Variants in TTC23L observed in about 807,000 individuals in gnomAD.
The protein encoded by TTC23L is tetratricopeptide repeat domain 23 like, also known as tetratricopeptide repeat protein 23-like.
Under a neutral mutation model 48.1 loss-of-function variants are expected in TTC23L, and 42 were observed. The observed-to-expected ratio is 0.87, with a 90% CI of 0.68 to 1.13. The LOEUF is 1.13. Among genes scored for constraint, TTC23L ranks in the 50% most tolerant of loss-of-function variants. TTC23L has a pLI of 0.00. For synonymous variants in TTC23L, 159 were observed against 157.2 expected, an observed-to-expected ratio of 1.01 and a Z score of -0.09; for missense variants, 391 against 421.0, an observed-to-expected ratio of 0.93 and a Z score of 0.62.
At chr5:34,915,999 C>G in the TTC23L span, 6 of 1,337,786 alleles carry the variant, frequency 4.5e-6, no homozygotes, top group African/African-American at 8.9e-5. Context: ...CAGAGTAGCC[C>G]GGGTGTTAAC....
rs59410522 is a variant in TTC23L, at chr5:34,846,707, G to GTGTGTGTGTGTGTGTGTA, written c.255+1035_255+1036insGTGTGTGTGTGTGTGTAT. Among the ~76,000 whole-genome samples, 115 of 129,752 alleles carry GTGTGTGTGTGTGTGTGTA rather than the reference G, an allele frequency of 8.9e-4. 5 individuals carry two copies. The highest frequency in any genetic ancestry group is 3.3e-3 in the African/African-American group (107 of 32,538). 85.1% of individuals were successfully genotyped at this position (129,752 alleles called of 152,430 possible). ...TGTGTGTGTGTGTGTGTGTGTGTGTGTATCCATCCTGGAAGGTTTCAGGAT... is the reference window on the plus strand; with the variant it reads ...TGTGTGTGTGTGTGTGTGTGTGTGTGTGTGTGTGTGTGTGTGTATATCCATCCTGGAAGGTTTCAGGAT... On this transcript the variant is annotated intron_variant, in intron 3 of 10. Coordinates refer to ENST00000505624, the Ensembl canonical transcript of TTC23L.
intron 9 of TTC23L, among the ~76,000 whole-genome samples, chr5:34,892,955 TATGAC>T: frequency 6.6e-6 from 1 of 152,304 alleles, no homozygotes; most frequent in East Asian, 1.9e-4. Context: ...TTTGGGTAGA[TATGAC>T]ATGATCAATT....
intron 9 of TTC23L, chr5:34,883,457 T>C: frequency 6.2e-6 from 1 of 162,508 alleles, no homozygotes. Context: ...ACCTACTTCA[T>C]CCAGGGAAGC....
chr5:34,880,042 C>CT, intron 8 of TTC23L, 139 bp from the exon 9 acceptor site: 3 of 1,005,720 alleles, frequency 3.0e-6, no homozygotes, highest in Non-Finnish European at 4.2e-6. Flanking sequence ...ACATCTTAGA[C>CT]TTTTAAAGAG....
chr5:34,882,686 G>A (rs1402712394), intron 9 of TTC23L, among the ~76,000 whole-genome samples: 1 of 148,440 alleles, frequency 6.7e-6, no homozygotes, highest in Non-Finnish European at 1.5e-5. Context: ...AGTTTAATCT[G>A]CCATGGATAA....
At chr5:34,848,957 G>A (rs937248911) in intron 3 of TTC23L, among the ~76,000 whole-genome samples, 8 of 152,096 alleles carry the variant, frequency 5.3e-5, no homozygotes, top group African/African-American at 1.9e-4. Flanking sequence ...CATAAAATAC[G>A]TTTTAAAATC....
At chr5:34,880,055 CT>C (rs1762117733) in intron 8 of TTC23L, 125 bp from the exon 9 acceptor site, 2 of 1,176,352 alleles carry the variant, frequency 1.7e-6, no homozygotes, top group African/African-American at 1.5e-5. Context: ...TTAAAGAGTC[CT>C]TATGAGACCT....
At chr5:34,895,186 G>A (rs1200441075) in intron 9 of TTC23L, among the ~76,000 whole-genome samples, 1 of 152,106 alleles carries the variant, frequency 6.6e-6, no homozygotes, top group Non-Finnish European at 1.5e-5. Context: ...AGTAGTTAAG[G>A]TCATAGACTA....
At chr5:34,904,279 T>G (rs1763579833), downstream of TTC23L, among the ~76,000 whole-genome samples, 1 of 148,634 alleles carries the variant, frequency 6.7e-6, no homozygotes, top group African/African-American at 2.5e-5. Flanking sequence ...TCAATAAACA[T>G]TTTTTAGCAA....
At chr5:34,914,445 T>C in the TTC23L span, 1 of 492,120 alleles carries the variant, frequency 2.0e-6, no homozygotes, top group Non-Finnish European at 3.6e-6. Flanking sequence ...TAATAAACTT[T>C]AGTCATTACT....
chr5:34,856,646 G>C (rs1760152065), intron 4 of TTC23L, among the ~76,000 whole-genome samples: 1 of 152,224 alleles, frequency 6.6e-6, no homozygotes, highest in South Asian at 2.1e-4. Flanking sequence ...GGAAGAAACA[G>C]AAAGATTTGG....
At chr5:34,877,705 T>C (rs1761955440) in intron 8 of TTC23L, among the ~76,000 whole-genome samples, 1 of 152,190 alleles carries the variant, frequency 6.6e-6, no homozygotes, top group South Asian at 2.1e-4. Context: ...ATAACAGGTG[T>C]GATCCACTGT....
At chr5:34,850,879 T>C (rs955486808) in intron 4 of TTC23L, among the ~76,000 whole-genome samples, 17 of 151,828 alleles carry the variant, frequency 1.1e-4, no homozygotes, top group Non-Finnish European at 1.8e-4. Flanking sequence ...TCCTTGAGAG[T>C]AGAAAGTTTG....
chr5:34,915,102 G>A, the TTC23L span: 1 of 572,602 alleles, frequency 1.7e-6, no homozygotes, highest in Non-Finnish European at 3.1e-6. Context: ...AACTATCTTT[G>A]TAATTCTGGA....
downstream of TTC23L, among the ~76,000 whole-genome samples, chr5:34,900,889 CACA>C (rs199575803): frequency 8.2e-3 from 1,251 of 152,330 alleles, 7 homozygotes; most frequent in Admixed American, 0.014. Flanking sequence ...AGTGGATATT[CACA>C]ACATCTGCGC....
intron 9 of TTC23L, among the ~76,000 whole-genome samples, chr5:34,892,919 T>C (rs1242628405): frequency 6.6e-6 from 1 of 152,144 alleles, no homozygotes; most frequent in Non-Finnish European, 1.5e-5. Context: ...ATTTATTTAG[T>C]AGACAGAAAG....
Position 34,862,956 on chromosome 5 carries a change from G to A in TTC23L, c.438G>A (p.Trp146Ter). ...CAGCCAAGAATACACTGTTGACCTG[G>A]AAGGCAAATACGACCTCAAATAAGG... is the stretch of plus-strand genomic sequence containing the variant. The change falls in exon 5 of 11, where the codon TGG becomes TGA. Residue 146 changes from tryptophan to a stop codon, truncating the protein, a stop_gained. Transcript: ENST00000505624. LOFTEE classifies it high-confidence loss of function. 3.1e-6 allele frequency: 5 copies of A among 1,613,982 alleles called. No homozygotes were observed. The highest frequency in any genetic ancestry group is 1.3e-5 in the African/African-American group (1 of 75,036).
intron 9 of TTC23L, among the ~76,000 whole-genome samples, chr5:34,892,773 A>C (rs1411086387): frequency 1.3e-5 from 2 of 152,116 alleles, no homozygotes; most frequent in African/African-American, 4.8e-5. Context: ...GATACCCGAT[A>C]TTGCTGAGGA....
At chr5:34,882,618 TACACACACACACAC>T (rs146120966) in intron 9 of TTC23L, among the ~76,000 whole-genome samples, 9 of 140,876 alleles carry the variant, frequency 6.4e-5, no homozygotes, top group Middle Eastern at 3.4e-3. Flanking sequence ...TCCCATGGAC[TACACACACACACAC>T]ACACACACAC....
Sources: allele counts gnomAD v4.1 joint callset (sites outside exome capture counted in the v4.1 genomes callset), GRCh38; gene constraint gnomAD v4.1.1; transcripts MANE v1.5; gene names NCBI Gene and HGNC (gene_info 2026-07-23, HGNC 2026-07-21).